ATRNL1: variants seen among roughly 807,000 people sequenced by gnomAD.
ATRNL1 encodes the protein attractin-like protein 1.
In ATRNL1, 95 loss-of-function variants were observed where a neutral mutation model predicts 182.7. The observed-to-expected ratio is 0.52, with a 90% CI of 0.44 to 0.62. The LOEUF (loss-of-function observed/expected upper bound fraction) is 0.62. ATRNL1 is among the 20% of genes least tolerant of loss of function. The probability of loss-of-function intolerance (pLI) is 0.00; values close to 1 mark genes in which losing one functional copy is unlikely to be tolerated. For synonymous variants in ATRNL1, 576 were observed against 568.3 expected, an observed-to-expected ratio of 1.01 and a Z score of -0.19; for missense variants, 1,471 against 1,679.5, an observed-to-expected ratio of 0.88 and a Z score of 2.17.
intron 9 of ATRNL1, among the ~76,000 whole-genome samples, chr10:115,218,762 G>A (rs1035045441): frequency 8.5e-5 from 13 of 152,296 alleles, no homozygotes; most frequent in African/African-American, 2.6e-4. Context: ...GACAGAATGA[G>A]TTTCTTGAGC....
chr10:115,272,494 A>T (rs1424657726), intron 13 of ATRNL1, among the ~76,000 whole-genome samples: 5 of 152,198 alleles, frequency 3.3e-5, no homozygotes, highest in African/African-American at 1.2e-4. Flanking sequence ...GGAAAAAATT[A>T]TTCCTTCCTC....
intron 24 of ATRNL1, among the ~76,000 whole-genome samples, chr10:115,518,699 T>A (rs1850760429): frequency 6.6e-6 from 1 of 151,988 alleles, no homozygotes; most frequent in African/African-American, 2.4e-5. Context: ...TGATATACTA[T>A]AATACACTTC....
chr10:115,541,330 G>T (rs1390824052), intron 25 of ATRNL1, among the ~76,000 whole-genome samples: 2 of 152,042 alleles, frequency 1.3e-5, no homozygotes, highest in Non-Finnish European at 2.9e-5. Context: ...ATTTTTATCT[G>T]GGAATTCAAA....
chr10:115,266,196 C>T (rs906806481), intron 11 of ATRNL1, among the ~76,000 whole-genome samples: 16 of 151,590 alleles, frequency 1.1e-4, no homozygotes, highest in African/African-American at 3.9e-4. Context: ...GGCATTGGCA[C>T]TGCTTGGTAT....
At chr10:115,486,839 CA>C (rs1849050774) in intron 24 of ATRNL1, among the ~76,000 whole-genome samples, 1 of 151,842 alleles carries the variant, frequency 6.6e-6, no homozygotes, top group African/African-American at 2.4e-5. Flanking sequence ...TGGTATTGCC[CA>C]GGTTTTCTTC....
rs544645042 is a variant in ATRNL1, at chr10:115,500,981, T to C, written c.3655-18282T>C. 2.3e-5 allele frequency among the ~76,000 whole-genome samples: 3 copies of C among 131,842 alleles called. No homozygotes were observed. The South Asian group carries it at 7.2e-4, about 31-fold the overall frequency. 86.5% of individuals were successfully genotyped at this position (131,842 alleles called of 152,430 possible). ...TTCGTTCTTGTCGCCCAGGCTGGAG[T>C]GCAATGGTGCGAGCTCCACTTACTG... On this transcript the variant is annotated intron_variant, in intron 24 of 28. Coordinates refer to ENST00000355044, the MANE Select transcript of ATRNL1 (RefSeq NM_207303.4).
Position 115,116,923 on chromosome 10 carries a change from G to T in ATRNL1, c.294-3262G>T, listed in dbSNP as rs190088963. 2.7e-3 allele frequency among the ~76,000 whole-genome samples: 412 copies of T among 152,046 alleles called. 9 individuals carry two copies. Among genetic ancestry groups the T allele is most frequent in the Non-Finnish European group, 9.6e-4 (65 of 67,892 alleles). On this transcript the variant is annotated intron_variant, in intron 1 of 28. Coordinates refer to ENST00000355044, the MANE Select transcript of ATRNL1 (RefSeq NM_207303.4). ...ACTGAAGTTGAATAGGACGGGACAG[G>T]GTGTGTAGTTTTCAGGTACTCCTAT... is the stretch of plus-strand genomic sequence containing the variant.
chr10:115,554,435 T>C (rs1853192830), intron 26 of ATRNL1, among the ~76,000 whole-genome samples: 1 of 151,634 alleles, frequency 6.6e-6, no homozygotes, highest in African/African-American at 2.4e-5. Flanking sequence ...GATACTTACC[T>C]TGTAAACCTG....
chr10:115,898,430 C>G (rs565223450), intron 28 of ATRNL1, among the ~76,000 whole-genome samples: 3 of 152,220 alleles, frequency 2.0e-5, no homozygotes, highest in Non-Finnish European at 4.4e-5. Flanking sequence ...CTGCTGCCCC[C>G]ACGTGGGCTG....
At chr10:115,750,589 AAAGG>A (rs1948420674) in intron 27 of ATRNL1, among the ~76,000 whole-genome samples, 1 of 151,956 alleles carries the variant, frequency 6.6e-6, no homozygotes, top group South Asian at 2.1e-4. Flanking sequence ...CAGAAGCAAT[AAAGG>A]AAAAGGCTAA....
At chr10:115,161,583 A>G (rs11197092) in intron 6 of ATRNL1, among the ~76,000 whole-genome samples, 3,778 of 152,140 alleles carry the variant, frequency 0.025, 153 homozygotes, top group African/African-American at 0.086. Context: ...TTTTAAGTTC[A>G]TGTTCTTTGC....
intron 24 of ATRNL1, among the ~76,000 whole-genome samples, chr10:115,515,428 T>A (rs1348880642): frequency 6.6e-6 from 1 of 151,388 alleles, no homozygotes; most frequent in Non-Finnish European, 1.5e-5. Context: ...CAGAACTCTG[T>A]CCCTTGGATT....
In ATRNL1 at chr10:115,684,263, T is replaced by G. The variant is rs543170089; in HGVS notation, c.3796-42985T>G. Among the ~76,000 whole-genome samples the G allele has an allele frequency of 3.9e-4, 59 of 151,464 alleles. 1 individual carries two copies. In the South Asian group the frequency reaches 0.012, roughly 30 times the overall value. ...ATATTTATGTTCTTAACAAGATATT[T>G]CTACAAATTTATATTGGGTCCTCCA... On this transcript the variant is annotated intron_variant, in intron 26 of 28. Coordinates refer to ENST00000355044, the MANE Select transcript of ATRNL1 (RefSeq NM_207303.4).
chr10:115,513,443 C>T (rs767203051), intron 24 of ATRNL1, among the ~76,000 whole-genome samples: 11 of 151,876 alleles, frequency 7.2e-5, no homozygotes, highest in Non-Finnish European at 1.2e-4. Flanking sequence ...ATTATTATCG[C>T]CATTTATTAT....
intron 9 of ATRNL1, among the ~76,000 whole-genome samples, chr10:115,226,383 G>A (rs1849695149): frequency 1.3e-5 from 2 of 151,870 alleles, no homozygotes; most frequent in African/African-American, 2.4e-5. Context: ...AGTTTTATTA[G>A]TAAAAGAAAA....
chr10:115,098,453 CTTTTTTTTTTTTT>C (rs71010006), intron 1 of ATRNL1, among the ~76,000 whole-genome samples: 36 of 80,732 alleles, frequency 4.5e-4, no homozygotes, highest in East Asian at 6.7e-4. Flanking sequence ...ATACTAGTTT[CTTTTTTTTTTTTT>C]TTTTTTTTTT....
In ATRNL1 at chr10:115,353,816, G is replaced by A. The variant is rs190134291; in HGVS notation, c.3175+19397G>A. Among the ~76,000 whole-genome samples the A allele has an allele frequency of 1.2e-3, 181 of 152,166 alleles. 1 individual carries two copies. The highest frequency in any genetic ancestry group is 9.6e-4 in the East Asian group (5 of 5,186). On this transcript the variant is annotated intron_variant, in intron 19 of 28. Transcript: ENST00000355044. ...AATTGATAAAAACTCTAATCTCAAA[G>A]AAGAGGGAACAAAAGGAAAACAAGC...
chr10:115,140,684 C>T (rs1845722419), intron 5 of ATRNL1, among the ~76,000 whole-genome samples: 1 of 152,138 alleles, frequency 6.6e-6, no homozygotes, highest in Non-Finnish European at 1.5e-5. Context: ...GTCTTCAGGA[C>T]ATTTTTATGT....
chr10:115,257,209 T>C (rs1851185695), intron 10 of ATRNL1, among the ~76,000 whole-genome samples: 1 of 152,198 alleles, frequency 6.6e-6, no homozygotes, highest in Non-Finnish European at 1.5e-5. Context: ...CATTGATCTC[T>C]CTAATGTTGA....
Sources: gnomAD v4.1 joint callset for allele counts (sites outside exome capture counted in the v4.1 genomes callset) on GRCh38, gnomAD v4.1.1 for gene constraint, MANE v1.5 for transcripts, NCBI Gene and HGNC (gene_info 2026-07-23, HGNC 2026-07-21) for gene names.